The following LRRTM4 variants were observed in gnomAD, a reference collection of about 807,000 sequenced individuals.
LRRTM4 encodes the protein leucine rich repeat transmembrane neuronal 4, also known as leucine-rich repeat transmembrane neuronal protein 4.
LRRTM4 carries 25 observed loss-of-function variants against 47.6 expected under a neutral mutation model. The ratio of observed to expected loss-of-function variants is 0.53; its 90% CI spans 0.38 to 0.73. The LOEUF is 0.73. Ranked by LOEUF, LRRTM4 falls within the 30% of genes least tolerant of loss-of-function variation. The pLI is 0.00. For synonymous variants in LRRTM4, 311 were observed against 269.5 expected (o/e 1.15, Z -1.51); for missense variants, 638 against 713.4 (o/e 0.89, Z 1.20).
At chr2:76,937,838 T>C (rs1675009733) in intron 3 of LRRTM4, among the ~76,000 whole-genome samples, 1 of 152,154 alleles carries the variant, frequency 6.6e-6, no homozygotes, top group South Asian at 2.1e-4. Flanking sequence ...AGTGCTGGGA[T>C]TACAGGCATG....
In LRRTM4 at chr2:77,158,464, T is replaced by C. The variant is rs757308491; in HGVS notation, c.1551+359854A>G. Among the ~76,000 whole-genome samples the C allele has an allele frequency of 4.6e-5, 7 of 152,194 alleles. No homozygotes were observed. In the South Asian group the frequency reaches 1.0e-3, roughly 22 times the overall value. On this transcript the variant is annotated intron_variant, in intron 3 of 3. Coordinates refer to ENST00000409884, the MANE Select transcript of LRRTM4 (RefSeq NM_001134745.3). ...GGAATGTTGCCTGTTACATTTCAAA[T>C]CCTGTTTTGTATCAAACAGTGACAG...
At chr2:77,374,111 A>T (rs993930567) in intron 3 of LRRTM4, among the ~76,000 whole-genome samples, 1 of 151,816 alleles carries the variant, frequency 6.6e-6, no homozygotes, top group Non-Finnish European at 1.5e-5. Flanking sequence ...CTGCATAAAA[A>T]TAAAAAATTT....
At chr2:76,958,779 G>T (rs1015910478) in intron 3 of LRRTM4, among the ~76,000 whole-genome samples, 23 of 151,736 alleles carry the variant, frequency 1.5e-4, no homozygotes, top group African/African-American at 4.1e-4. Flanking sequence ...TTACCATAAA[G>T]TGTGTACAAC....
At chr2:77,222,486 A>C (rs1346022246) in intron 3 of LRRTM4, among the ~76,000 whole-genome samples, 1 of 152,214 alleles carries the variant, frequency 6.6e-6, no homozygotes, top group Non-Finnish European at 1.5e-5. Context: ...GAAAAGAGAG[A>C]AGAATCAATT....
intron 1 of LRRTM4, 70 bp from the exon 2 acceptor site, chr2:77,521,888 TAA>T (rs1679526282): frequency 3.7e-6 from 1 of 271,062 alleles, no homozygotes; most frequent in East Asian, 5.8e-5. Context: ...TATATATATA[TAA>T]AAAATCAGCA....
intron 3 of LRRTM4, among the ~76,000 whole-genome samples, chr2:77,190,981 A>G (rs952095144): frequency 1.3e-5 from 2 of 152,156 alleles, no homozygotes; most frequent in Admixed American, 1.3e-4. Flanking sequence ...AGTTTAATCA[A>G]TATTAGGTTG....
At chr2:76,863,207 A>G (rs1296981471) in intron 3 of LRRTM4, among the ~76,000 whole-genome samples, 1 of 152,184 alleles carries the variant, frequency 6.6e-6, no homozygotes, top group African/African-American at 2.4e-5. Flanking sequence ...AGCCAGGTAC[A>G]TGCATAAGAT....
chr2:77,299,696 C>T (rs1468313800), intron 3 of LRRTM4, among the ~76,000 whole-genome samples: 2 of 152,026 alleles, frequency 1.3e-5, no homozygotes, highest in African/African-American at 4.8e-5. Flanking sequence ...CACTGACACT[C>T]TAAGAAGAGG....
chr2:77,238,846 A>ATTTTTTTT (rs1573123037), intron 3 of LRRTM4, among the ~76,000 whole-genome samples: 3 of 152,102 alleles, frequency 2.0e-5, no homozygotes, highest in South Asian at 4.1e-4. Context: ...AGGGTACTAT[A>ATTTTTTTT]TTCAGAAAAA....
At chr2:77,505,583 A>G (rs1234717660) in intron 3 of LRRTM4, among the ~76,000 whole-genome samples, 3 of 151,588 alleles carry the variant, frequency 2.0e-5, no homozygotes, top group Non-Finnish European at 4.4e-5. Context: ...CTTAATATGT[A>G]GAAGTATAAT....
intron 3 of LRRTM4, among the ~76,000 whole-genome samples, chr2:77,223,795 G>T (rs866357531): frequency 1.5e-3 from 224 of 151,978 alleles, no homozygotes; most frequent in African/African-American, 5.2e-3. Context: ...CAAGGTAATT[G>T]ATAGATTCAA....
At chr2:77,499,961 T>C (rs1477310465) in intron 3 of LRRTM4, among the ~76,000 whole-genome samples, 1 of 151,632 alleles carries the variant, frequency 6.6e-6, no homozygotes, top group Non-Finnish European at 1.5e-5. Flanking sequence ...AATTATAAGA[T>C]CTAGTGGAGC....
intron 3 of LRRTM4, among the ~76,000 whole-genome samples, chr2:77,160,177 G>C (rs186473906): frequency 6.6e-6 from 1 of 151,436 alleles, no homozygotes; most frequent in East Asian, 1.9e-4. Flanking sequence ...GTGAAGTTCT[G>C]CACAACATCT....
At chr2:77,123,821 A>G (rs1671583320) in intron 3 of LRRTM4, among the ~76,000 whole-genome samples, 1 of 152,084 alleles carries the variant, frequency 6.6e-6, no homozygotes, top group Admixed American at 6.6e-5. Context: ...CACAAACATA[A>G]GGCTTCTCCC....
At chr2:77,188,743 G>A (rs759958268) in intron 3 of LRRTM4, among the ~76,000 whole-genome samples, 2 of 152,110 alleles carry the variant, frequency 1.3e-5, no homozygotes, top group African/African-American at 2.4e-5. Flanking sequence ...GAATGTCTTG[G>A]CAATACTGGT....
intron 3 of LRRTM4, among the ~76,000 whole-genome samples, chr2:76,839,953 G>T (rs911268428): frequency 1.4e-4 from 22 of 151,952 alleles, no homozygotes; most frequent in Non-Finnish European, 2.6e-4. Flanking sequence ...GAGAATTATT[G>T]GGTGTCTCCT....
chr2:77,320,077 A>G (rs912569424), intron 3 of LRRTM4, among the ~76,000 whole-genome samples: 3 of 152,108 alleles, frequency 2.0e-5, no homozygotes, highest in African/African-American at 4.8e-5. Flanking sequence ...GTCACTCTCC[A>G]TTGTCCCTAC....
Position 76,806,397 on chromosome 2 carries a change from C to G in LRRTM4, c.1552-57481G>C, listed in dbSNP as rs551382860. On this transcript the variant is annotated intron_variant, in intron 3 of 3. Transcript: ENST00000409884. ...AGGAGTTCGAGACCAGCCTAACCAA[C>G]GTGGTGAAACCCCGTCTCTACTAAA... Among the ~76,000 whole-genome samples, 19 of 152,170 alleles carry G rather than the reference C, an allele frequency of 1.2e-4. No homozygotes were observed. The South Asian group carries it at 3.9e-3, about 32-fold the overall frequency.
chr2:76,827,350 G>C (rs1166798456), intron 3 of LRRTM4, among the ~76,000 whole-genome samples: 1 of 151,720 alleles, frequency 6.6e-6, no homozygotes, highest in African/African-American at 2.4e-5. Context: ...CAAACGCCAG[G>C]GGCCTTTGCA....
Sources: gnomAD v4.1 joint callset for allele counts (sites outside exome capture counted in the v4.1 genomes callset) on GRCh38, gnomAD v4.1.1 for gene constraint, MANE v1.5 for transcripts, NCBI Gene and HGNC (gene_info 2026-07-23, HGNC 2026-07-21) for gene names.